DLK1: variants seen among roughly 807,000 people sequenced by gnomAD.
The protein encoded by DLK1 is delta like non-canonical Notch ligand 1, also known as protein delta homolog 1.
Under a neutral mutation model 35.2 loss-of-function variants are expected in DLK1, and 9 were observed. The observed-to-expected ratio is 0.26, with a 90% CI of 0.15 to 0.45. The LOEUF is 0.45. Among genes scored for constraint, DLK1 ranks in the 20% least tolerant of loss-of-function variants. The pLI is 1.00. For synonymous variants in DLK1, 231 were observed against 228.4 expected (o/e 1.01, Z -0.10); for missense variants, 522 against 528.5 (o/e 0.99, Z 0.12).
Position 100,734,597 on chromosome 14 carries a change from C to G in DLK1, c.853C>G (p.Leu285Val). 6.2e-7 allele frequency: 1 copy of G among 1,613,916 alleles called. No homozygotes were observed. Among genetic ancestry groups the G allele is most frequent in the Non-Finnish European group, 8.5e-7 (1 of 1,180,038 alleles). The change falls in exon 5 of 5, where the codon CTG becomes GTG. Residue 285 changes from leucine (L) to valine (V), a missense_variant. Coordinates refer to ENST00000341267, the MANE Select transcript of DLK1 (RefSeq NM_003836.7). The surrounding 1 kb of genome is among the most constrained non-coding windows in gnomAD (Gnocchi z 7.4). ...GGTGCAGCAGCCGGAGCACCGCATC[C>G]TGAAGGTGTCCATGAAAGAGCTCAA... Reference protein sequence around the residue: ...LPVQQPEHRILKVSMKELNKK... With the variant: ...LPVQQPEHRIVKVSMKELNKK...
intron 3 of DLK1, among the ~76,000 whole-genome samples, chr14:100,730,852 C>T (rs554354600): frequency 3.9e-5 from 6 of 152,308 alleles, no homozygotes; most frequent in Middle Eastern, 3.4e-3. Flanking sequence ...ATCAACACAA[C>T]GTTCAGGCTC....
chr14:100,731,344 C>G (rs2036504654), intron 3 of DLK1, among the ~76,000 whole-genome samples: 1 of 152,150 alleles, frequency 6.6e-6, no homozygotes, highest in Non-Finnish European at 1.5e-5. Context: ...GGGAATATAC[C>G]AGTGCTCATG....
Position 100,735,021 on chromosome 14 carries a change from A to G in DLK1, c.*125A>G, listed in dbSNP as rs1175364171. The G allele has an allele frequency of 3.8e-6, 5 of 1,331,790 alleles. No individual in the cohort carries two copies. The highest frequency in any genetic ancestry group is 2.4e-5 in the East Asian group (1 of 42,086). 82.5% of individuals were successfully genotyped at this position (1,331,790 alleles called of 1,614,324 possible). ...AATCTGGTGAACGCTACGCTTACATATATTGTCTTTGTGCTGCTGTGTGAC... is the reference window on the plus strand; with the variant it reads ...AATCTGGTGAACGCTACGCTTACATGTATTGTCTTTGTGCTGCTGTGTGAC... On this transcript the variant is annotated 3_prime_UTR_variant, in exon 5 of 5. Transcript: ENST00000341267.
chr14:100,731,983 C>A (rs1020888234), intron 3 of DLK1, 59 bp from the exon 4 acceptor site: 5 of 1,544,144 alleles, frequency 3.2e-6, no homozygotes, highest in Admixed American at 1.9e-5. Context: ...CACTGGGGCC[C>A]GCATCACGCT....
At chr14:100,732,494 G>A (rs1015726229) in intron 4 of DLK1, among the ~76,000 whole-genome samples, 2 of 152,242 alleles carry the variant, frequency 1.3e-5, no homozygotes, top group African/African-American at 2.4e-5. Flanking sequence ...TAAAGGCAAC[G>A]TAGTAAAAGA....
At chr14:100,733,889 C>A (rs1438274594) in intron 4 of DLK1, among the ~76,000 whole-genome samples, 1 of 152,122 alleles carries the variant, frequency 6.6e-6, no homozygotes. Flanking sequence ...AGGTTAGCAT[C>A]GAGATGGGGG....
chr14:100,734,178 T>C lies in DLK1; in HGVS notation c.434T>C (p.Val145Ala), dbSNP rs375717862. The C allele has an allele frequency of 6.8e-6, 11 of 1,611,828 alleles. No homozygotes were observed. The highest frequency in any genetic ancestry group is 9.3e-6 in the Non-Finnish European group (11 of 1,179,464). ...CCCTGCCAGCACGGAGGCACCTGCG[T>C]GGATGATGAGGGCCGGGCCTCCCAT... Reference protein sequence around the residue: ...GSPCQHGGTCVDDEGRASHAS... With the variant: ...GSPCQHGGTCADDEGRASHAS... The change falls in exon 5 of 5, where the codon GTG becomes GCG. Residue 145 changes from valine to alanine, a missense_variant. By Grantham distance (64) the Val-to-Ala change is moderately conservative. Transcript: ENST00000341267. The surrounding 1 kb of genome is among the most constrained non-coding windows in gnomAD (Gnocchi z 7.4).
chr14:100,728,256 C>T (rs1198368198), intron 1 of DLK1, 140 bp from the exon 2 acceptor site: 2 of 795,990 alleles, frequency 2.5e-6, no homozygotes, highest in Non-Finnish European at 4.3e-6. Flanking sequence ...ATAGGAAGTG[C>T]CTACTGTGTG....
At chr14:100,727,377 T>G (rs1413624189) in intron 1 of DLK1, among the ~76,000 whole-genome samples, 2 of 152,008 alleles carry the variant, frequency 1.3e-5, no homozygotes, top group Non-Finnish European at 2.9e-5. Context: ...CCTGCAGAAG[T>G]GGCGCCAGAG....
chr14:100,727,655 G>T (rs1447825256), intron 1 of DLK1, among the ~76,000 whole-genome samples: 1 of 152,182 alleles, frequency 6.6e-6, no homozygotes, highest in East Asian at 1.9e-4. Context: ...GACAGCGAGA[G>T]AGTTGCCCCC....
chr14:100,728,304 C>T (rs1255285060), intron 1 of DLK1, 92 bp from the exon 2 acceptor site: 8 of 1,446,460 alleles, frequency 5.5e-6, no homozygotes, highest in South Asian at 4.6e-5. Context: ...TTGGTGCCCT[C>T]GAGGGCAGTG....
At chr14:100,733,657 G>A (rs980986468) in intron 4 of DLK1, among the ~76,000 whole-genome samples, 1 of 152,190 alleles carries the variant, frequency 6.6e-6, no homozygotes, top group African/African-American at 2.4e-5. Context: ...ATAGAGTGAG[G>A]GGCGCCCCTT....
chr14:100,729,189 C>T (rs759796010), intron 3 of DLK1, 123 bp downstream of exon 3: 2 of 1,499,796 alleles, frequency 1.3e-6, no homozygotes, highest in Middle Eastern at 1.7e-4. Flanking sequence ...ACACTCCGTG[C>T]CCTGTATTCT....
intron 4 of DLK1, among the ~76,000 whole-genome samples, chr14:100,732,777 C>G (rs2036524674): frequency 6.6e-6 from 1 of 152,220 alleles, no homozygotes; most frequent in Admixed American, 6.5e-5. Context: ...CCTCCCTGAA[C>G]AATGCTTCCC....
At chr14:100,727,524 G>C (rs1327222524) in intron 1 of DLK1, among the ~76,000 whole-genome samples, 8 of 152,184 alleles carry the variant, frequency 5.3e-5, no homozygotes, top group Admixed American at 4.6e-4. Context: ...CGGGAGTGGG[G>C]GACGACTTTG....
chr14:100,727,034 A>C lies in DLK1; in HGVS notation c.-35A>C. On this transcript the variant is annotated 5_prime_UTR_variant, in exon 1 of 5. Transcript: ENST00000341267. Reference sequence around the variant, plus strand: ...CGCCAGGAGCCGGACCCGCGCCCGCACCGCTCCCGGGACCGCGACCCCGGC... The same window carrying C: ...CGCCAGGAGCCGGACCCGCGCCCGCCCCGCTCCCGGGACCGCGACCCCGGC... 1 of 1,542,582 alleles carries C rather than the reference A, an allele frequency of 6.5e-7. No individual in the cohort carries two copies. The highest frequency in any genetic ancestry group is 8.7e-7 in the Non-Finnish European group (1 of 1,147,454).
In DLK1 at chr14:100,735,004, G is replaced by A; in HGVS notation, c.*108G>A. The A allele has an allele frequency of 7.0e-7, 1 of 1,424,802 alleles. No homozygotes were observed. Among genetic ancestry groups the A allele is most frequent in the African/African-American group, 1.4e-5 (1 of 70,202 alleles). The allele number at this position is 1,424,802 out of a possible 1,614,324, so 88.3% of individuals were successfully genotyped here. Reference sequence around the variant, plus strand: ...CGCTATCTCTTGTGTCAAATCTGGTGAACGCTACGCTTACATATATTGTCT... The same window carrying A: ...CGCTATCTCTTGTGTCAAATCTGGTAAACGCTACGCTTACATATATTGTCT... On this transcript the variant is annotated 3_prime_UTR_variant, in exon 5 of 5. Coordinates refer to ENST00000341267, the MANE Select transcript of DLK1 (RefSeq NM_003836.7).
Position 100,728,353 on chromosome 14 carries a change from G to A in DLK1, c.68-43G>A, listed in dbSNP as rs761694533. 23 of 1,609,756 alleles carry A rather than the reference G, an allele frequency of 1.4e-5. No individual in the cohort carries two copies. The African/African-American group carries it at 2.4e-4, about 17-fold the overall frequency. On this transcript the variant is annotated intron_variant, in intron 1 of 4. Coordinates refer to ENST00000341267, the MANE Select transcript of DLK1 (RefSeq NM_003836.7). ...GCGAAGACAGCCTTTGCCTTGGCCT[G>A]GGGCCTGGTGGGGTGAATTGTATAA...
chr14:100,728,851 C>T lies in DLK1; in HGVS notation c.132-85C>T, dbSNP rs887986673. The T allele has an allele frequency of 2.6e-6, 4 of 1,548,636 alleles. No homozygotes were observed. In the African/African-American group the frequency reaches 5.4e-5, roughly 21 times the overall value. On this transcript the variant is annotated intron_variant, in intron 2 of 4. Transcript: ENST00000341267. ...CACTGTGCAAAGACCCCCAAGGGTC[C>T]TTGGTTCCACAGAAAGTAGCCTGAG...
Sources: allele counts gnomAD v4.1 joint callset (sites outside exome capture counted in the v4.1 genomes callset), GRCh38; gene constraint gnomAD v4.1.1; non-coding constraint Gnocchi (gnomAD v3.1); transcripts MANE v1.5; gene names NCBI Gene and HGNC (gene_info 2026-07-23, HGNC 2026-07-21).